Variants in RGS12 observed in about 807,000 individuals in gnomAD.
RGS12 encodes regulator of G-protein signaling 12.
In RGS12, 66 loss-of-function variants were observed where a neutral mutation model predicts 120.1. That is an observed-to-expected ratio of 0.55 (90% CI 0.45 to 0.67). The LOEUF (loss-of-function observed/expected upper bound fraction) is 0.67, where lower values mean the gene tolerates loss of function less well. Ranked by LOEUF, RGS12 falls within the 30% of genes least tolerant of loss-of-function variation. The pLI is 0.00. For synonymous variants in RGS12, 827 were observed against 804.7 expected, an observed-to-expected ratio of 1.03 and a Z score of -0.47; for missense variants, 1,859 against 1,957.7, an observed-to-expected ratio of 0.95 and a Z score of 0.95.
In RGS12 at chr4:3,425,376, G is replaced by C. The variant is rs200217165; in HGVS notation, c.3235-88G>C. 2.0e-5 allele frequency: 24 copies of C among 1,176,654 alleles called. No homozygotes were observed. The East Asian group carries it at 5.6e-4, about 28-fold the overall frequency. 72.9% of individuals were successfully genotyped at this position (1,176,654 alleles called of 1,614,324 possible). A position where few individuals can be genotyped will look rare whatever the true frequency, so the allele number is the denominator to read the frequency against. The stretch of plus-strand genomic sequence containing the variant: ...TCCTGCGTGACTCCATCAAGCCTAG[G>C]ACAGTCATGCAGTCGGGTGGGATCA... On this transcript the variant is annotated intron_variant, in intron 13 of 17. Transcript: ENST00000336727.
At chr4:3,399,830 C>T (rs930998818) in intron 4 of RGS12, among the ~76,000 whole-genome samples, 4 of 152,222 alleles carry the variant, frequency 2.6e-5, no homozygotes, top group Non-Finnish European at 5.9e-5. Flanking sequence ...ATTTCTTACA[C>T]TACATTACAT....
intron 15 of RGS12, 136 bp from the exon 16 acceptor site, chr4:3,428,422 A>G: frequency 1.2e-6 from 1 of 831,914 alleles, no homozygotes. Flanking sequence ...TTATCATTGC[A>G]ATGGTTTTTC....
intron 3 of RGS12, among the ~76,000 whole-genome samples, chr4:3,353,447 C>G (rs897702009): frequency 2.6e-5 from 4 of 152,200 alleles, no homozygotes; most frequent in Non-Finnish European, 4.4e-5. Context: ...TCACCGTGAT[C>G]CATCTGAACT....
At chr4:3,419,704 G>T (rs1040133189) in intron 9 of RGS12, among the ~76,000 whole-genome samples, 3 of 152,008 alleles carry the variant, frequency 2.0e-5, no homozygotes, top group African/African-American at 7.3e-5. Flanking sequence ...TGTTGCCCTA[G>T]CTACTGGGGA....
At position 3,433,691 on chromosome 4, in the gene RGS12, G is replaced by A. The variant is rs751433801; in HGVS notation, c.4114+2736G>A. Reference sequence around the variant, plus strand: ...CCTGCGCCACGTGGTGCTCCACCACGCCCTTCTAGCCTCAGCGTCATGCAC... The same window carrying A: ...CCTGCGCCACGTGGTGCTCCACCACACCCTTCTAGCCTCAGCGTCATGCAC... On this transcript the variant is annotated intron_variant, in intron 17 of 17. Coordinates refer to ENST00000336727, the MANE Select transcript of RGS12 (RefSeq NM_001394154.1). This position sits in a 1 kb window ranked among gnomAD's most constrained non-coding sequence, Gnocchi z 4.4. 4.6e-5 allele frequency among the ~76,000 whole-genome samples: 7 copies of A among 151,224 alleles called. No individual in the cohort carries two copies. The highest frequency in any genetic ancestry group is 1.9e-4 in the East Asian group (1 of 5,140).
At position 3,372,712 on chromosome 4, in the gene RGS12, T is replaced by C. The variant is rs1260640796; in HGVS notation, c.1999-13704T>C. On this transcript the variant is annotated intron_variant, in intron 3 of 17. Coordinates refer to ENST00000336727, the MANE Select transcript of RGS12 (RefSeq NM_001394154.1). The surrounding 1 kb of genome is among the most constrained non-coding windows in gnomAD (Gnocchi z 4.3). Reference sequence around the variant, plus strand: ...GTCAGACACTTGGCAGAAACTTTGTTTCTCAAGGCAAAGCCCTTTAGAGAC... The same window carrying C: ...GTCAGACACTTGGCAGAAACTTTGTCTCTCAAGGCAAAGCCCTTTAGAGAC... 6.6e-6 allele frequency among the ~76,000 whole-genome samples: 1 copy of C among 152,196 alleles called. No individual in the cohort carries two copies. The highest frequency in any genetic ancestry group is 2.4e-5 in the African/African-American group (1 of 41,442).
At chr4:3,373,342 G>C (rs1174753475) in intron 3 of RGS12, among the ~76,000 whole-genome samples, 1 of 152,248 alleles carries the variant, frequency 6.6e-6, no homozygotes, top group Non-Finnish European at 1.5e-5. Context: ...GTTAGGGCCT[G>C]AGGCTGGTGG....
rs1231651190 is a variant in RGS12, at chr4:3,422,498, C to T, written c.2961C>T (p.Ile987=). ...AGGCGGGCTTCTCCATCAAAGACAT[C>T]CTGTCCGGACTCTGTGAGCGGCATG... ...AVKAGFSIKD[I]LSGLCERHGI... Residue 987 remains isoleucine (I), a synonymous_variant, in exon 11 of 18, where the codon ATC becomes ATT. Transcript: ENST00000336727. 6.2e-7 allele frequency: 1 copy of T among 1,613,016 alleles called. No homozygotes were observed. The highest frequency in any genetic ancestry group is 2.2e-5 in the East Asian group (1 of 44,880).
chr4:3,430,947 C>G lies in RGS12; in HGVS notation c.4106C>G (p.Ser1369Cys). The G allele has an allele frequency of 7.4e-6, 12 of 1,612,618 alleles. No individual in the cohort carries two copies. The highest frequency in any genetic ancestry group is 9.3e-6 in the Non-Finnish European group (11 of 1,179,972). The change falls in exon 17 of 18, where the codon TCC becomes TGC. Residue 1369 changes from serine to cysteine, a missense_variant. Coordinates refer to ENST00000336727, the MANE Select transcript of RGS12 (RefSeq NM_001394154.1). ...ACCCCCCAGGAAGTGCCAGGACCTT[C>G]CAGACCAGGTACCTCCAGGTTCTGA... ...PSTPQEVPGP[S>C]RPGSGTHGSR...
intron 2 of RGS12, among the ~76,000 whole-genome samples, chr4:3,326,322 C>A (rs1313743004): frequency 6.6e-6 from 1 of 152,192 alleles, no homozygotes; most frequent in Non-Finnish European, 1.5e-5. Flanking sequence ...TCCTAGGTCA[C>A]TGTAACCTCA....
intron 4 of RGS12, among the ~76,000 whole-genome samples, chr4:3,386,713 G>T (rs760213609): frequency 1.3e-5 from 2 of 152,126 alleles, no homozygotes; most frequent in Admixed American, 6.5e-5. Context: ...GCACCCACCC[G>T]CCTGCCTGTG....
At chr4:3,292,110 G>C (rs1179636998), upstream of RGS12, among the ~76,000 whole-genome samples, 1 of 152,240 alleles carries the variant, frequency 6.6e-6, no homozygotes, top group Non-Finnish European at 1.5e-5. Flanking sequence ...CAGCAGCGAC[G>C]GATGCGTCTC....
intron 1 of RGS12, among the ~76,000 whole-genome samples, chr4:3,297,665 G>C (rs1723457308): frequency 1.3e-5 from 2 of 152,188 alleles, no homozygotes; most frequent in Non-Finnish European, 2.9e-5. Context: ...AAAATGGTTT[G>C]TTTTTCATTG....
chr4:3,301,553 C>A (rs1389643147), intron 1 of RGS12, among the ~76,000 whole-genome samples: 2 of 151,804 alleles, frequency 1.3e-5, no homozygotes, highest in African/African-American at 4.8e-5. Flanking sequence ...AAGGAGAGGC[C>A]CGCCAGGGCC....
chr4:3,341,929 T>A (rs1713271993), intron 2 of RGS12, among the ~76,000 whole-genome samples: 3 of 149,450 alleles, frequency 2.0e-5, no homozygotes, highest in African/African-American at 7.5e-5. Context: ...ACTTTTCAGT[T>A]GAGGAGGAGC....
chr4:3,422,582 G>A lies in RGS12; in HGVS notation c.3033+12G>A, dbSNP rs372899411. The A allele has an allele frequency of 2.7e-5, 43 of 1,606,910 alleles. No individual in the cohort carries two copies. The highest frequency in any genetic ancestry group is 1.8e-4 in the Middle Eastern group (1 of 5,688). ...TGGGCGGGGACAAGGTACTGGGCCC[G>A]CCTGACCCTCGTGCTGCCCTCAGGC... On this transcript the variant is annotated intron_variant, in intron 11 of 17. Coordinates refer to ENST00000336727, the MANE Select transcript of RGS12 (RefSeq NM_001394154.1).
chr4:3,400,086 C>T (rs1234409610), intron 4 of RGS12, among the ~76,000 whole-genome samples: 3 of 152,198 alleles, frequency 2.0e-5, no homozygotes, highest in Non-Finnish European at 4.4e-5. Flanking sequence ...CAAACATTTC[C>T]AACTTAATAT....
chr4:3,426,750 G>A (rs1046858131), intron 14 of RGS12: 1 of 152,180 alleles, frequency 6.6e-6, no homozygotes, highest in African/African-American at 2.4e-5. Flanking sequence ...CTCAGACCCA[G>A]GAGGGTGGGT....
chr4:3,423,469 T>C lies in RGS12; in HGVS notation c.3108-46T>C, dbSNP rs779550541. 9.3e-6 allele frequency: 15 copies of C among 1,608,402 alleles called. No individual in the cohort carries two copies. The East Asian group carries it at 2.7e-4, about 29-fold the overall frequency. On this transcript the variant is annotated intron_variant, in intron 12 of 17. Coordinates refer to ENST00000336727, the MANE Select transcript of RGS12 (RefSeq NM_001394154.1). ...TCTGCTCGTGAGACTGATCTCCTAA[T>C]GAGGGCTGACATGAGTTGGTAGTGA...
Sources: allele counts gnomAD v4.1 joint callset (sites outside exome capture counted in the v4.1 genomes callset), GRCh38; gene constraint gnomAD v4.1.1; non-coding constraint Gnocchi (gnomAD v3.1); transcripts MANE v1.5; gene names NCBI Gene and HGNC (gene_info 2026-07-23, HGNC 2026-07-21).